Variants in SLC19A1 observed in about 807,000 individuals in gnomAD.
SLC19A1 encodes the protein reduced folate transporter.
In SLC19A1, 37 loss-of-function variants were observed where a neutral mutation model predicts 35.3. That is an observed-to-expected ratio of 1.05 (90% CI 0.81 to 1.38). The LOEUF (loss-of-function observed/expected upper bound fraction) is 1.38. Among genes scored for constraint, SLC19A1 ranks in the 40% most tolerant of loss-of-function variants. SLC19A1 has a pLI of 0.00. For missense variants in SLC19A1, 831 were observed against 826.9 expected, an observed-to-expected ratio of 1.00 and a Z score of -0.06; for synonymous variants, 460 against 398.5, an observed-to-expected ratio of 1.15 and a Z score of -1.84.
chr21:45,509,162 G>A (rs1320866206), downstream of SLC19A1, among the ~76,000 whole-genome samples: 2 of 152,032 alleles, frequency 1.3e-5, no homozygotes, highest in East Asian at 1.9e-4. Context: ...CCCGCGATCC[G>A]GCGCCACGGC....
At chr21:45,536,827 T>A (rs2078128638) in intron 2 of SLC19A1, among the ~76,000 whole-genome samples, 1 of 151,936 alleles carries the variant, frequency 6.6e-6, no homozygotes, top group African/African-American at 2.4e-5. Context: ...GGATGGGGTG[T>A]CGGGGTGACC....
rs1181272469 is a variant in SLC19A1 at position 45,533,046 on chromosome 21, G to A, written c.190-898C>T. On this transcript the variant is annotated intron_variant, in intron 2 of 5. Transcript: ENST00000311124. The surrounding 1 kb of genome is among the most constrained non-coding windows in gnomAD (Gnocchi z 4.5). ...ATCTCACACTTGTCCCCAGAGCAAG[G>A]TCTTTAAGGCCAGACTCCAACCCAG... Among the ~76,000 whole-genome samples, 1 of 152,212 alleles carries A rather than the reference G, an allele frequency of 6.6e-6. No individual in the cohort carries two copies. The highest frequency in any genetic ancestry group is 1.5e-5 in the Non-Finnish European group (1 of 68,030).
intron 1 of SLC19A1, among the ~76,000 whole-genome samples, chr21:45,538,210 G>A (rs1287697432): frequency 2.0e-5 from 3 of 152,216 alleles, no homozygotes; most frequent in East Asian, 3.9e-4. Context: ...AGTCCCCCAG[G>A]CCAGGCTGTC....
chr21:45,562,661 G>A (rs2078626207), intron 1 of SLC19A1, among the ~76,000 whole-genome samples: 1 of 152,170 alleles, frequency 6.6e-6, no homozygotes. Flanking sequence ...TACAGCTGAG[G>A]AAACACAGCT....
chr21:45,548,302 T>C (rs781228683), upstream of SLC19A1, among the ~76,000 whole-genome samples: 28 of 152,220 alleles, frequency 1.8e-4, no homozygotes, highest in Non-Finnish European at 3.2e-4. Flanking sequence ...GTCAAACTTG[T>C]AGATCTGTGT....
At chr21:45,543,236 C>T (rs941118978), upstream of SLC19A1, among the ~76,000 whole-genome samples, 7 of 152,184 alleles carry the variant, frequency 4.6e-5, no homozygotes, top group African/African-American at 1.4e-4. Flanking sequence ...ACAGCACCGC[C>T]GAAAGCCCAA....
In SLC19A1 at chr21:45,515,378, G is replaced by C; in HGVS notation, c.*280C>G. On this transcript the variant is annotated 3_prime_UTR_variant, in exon 6 of 6. Coordinates refer to ENST00000311124, the MANE Select transcript of SLC19A1 (RefSeq NM_194255.4). Reference sequence around the variant, plus strand: ...GTCTCAAGCCCCCCAAGGGGCATGAGCCAGTGAGGCCTGGTGGACGCAGAA... The same window carrying C: ...GTCTCAAGCCCCCCAAGGGGCATGACCCAGTGAGGCCTGGTGGACGCAGAA... The C allele has an allele frequency of 3.5e-6, 5 of 1,437,202 alleles. No individual in the cohort carries two copies. The highest frequency in any genetic ancestry group is 4.5e-6 in the Non-Finnish European group (5 of 1,104,318). 89.0% of individuals were successfully genotyped at this position (1,437,202 alleles called of 1,614,324 possible).
chr21:45,519,570 CAAAAAAAAAAAA>C (rs57639933), intron 5 of SLC19A1, among the ~76,000 whole-genome samples: 675 of 57,282 alleles, frequency 0.012, 19 homozygotes, highest in South Asian at 0.062. Context: ...AACTTCTGAG[CAAAAAAAAAAAA>C]AAAAAAAAAA....
intron 1 of SLC19A1, among the ~76,000 whole-genome samples, chr21:45,553,231 C>A (rs1437389115): frequency 2.6e-5 from 4 of 151,990 alleles, no homozygotes; most frequent in African/African-American, 9.7e-5. Context: ...AGGCACCGCG[C>A]ATCCCTCCCA....
chr21:45,523,442 A>C (rs949985589), intron 5 of SLC19A1, among the ~76,000 whole-genome samples: 3 of 152,192 alleles, frequency 2.0e-5, no homozygotes, highest in African/African-American at 7.2e-5. Context: ...CTCCACGGCC[A>C]CACCAGGACC....
In SLC19A1 at chr21:45,557,945, C is replaced by T. The variant is rs116252998; in HGVS notation, c.-50+4797G>A. Reference sequence around the variant, plus strand: ...TCACCTTTGCCTCCTGCGTGTCTGACGGAATCATTCCTGTTTAGACATGAG... The same window carrying T: ...TCACCTTTGCCTCCTGCGTGTCTGATGGAATCATTCCTGTTTAGACATGAG... On this transcript the variant is annotated intron_variant, in intron 1 of 5. Coordinates refer to the SLC19A1 transcript ENST00000650808. Among the ~76,000 whole-genome samples the T allele has an allele frequency of 4.0e-3, 615 of 152,350 alleles. 4 individuals are homozygous for T. The highest frequency in any genetic ancestry group is 0.014 in the African/African-American group (572 of 41,592).
chr21:45,528,552 C>T (rs765962043), intron 4 of SLC19A1, among the ~76,000 whole-genome samples: 11 of 152,092 alleles, frequency 7.2e-5, no homozygotes, highest in African/African-American at 2.2e-4. Context: ...GGAGGAAGCC[C>T]GCATGCCGGC....
chr21:45,554,745 T>C (rs2078525259), intron 1 of SLC19A1, among the ~76,000 whole-genome samples: 1 of 151,466 alleles, frequency 6.6e-6, no homozygotes. Context: ...CTGTGGTGAC[T>C]AAAGCTGCTG....
chr21:45,539,735 G>A (rs915300138), intron 1 of SLC19A1, among the ~76,000 whole-genome samples: 3 of 152,172 alleles, frequency 2.0e-5, no homozygotes, highest in East Asian at 1.9e-4. Context: ...CTGGGGTCCC[G>A]TCTTGACACC....
At position 45,534,906 on chromosome 21, in the gene SLC19A1, C is replaced by G. The variant is rs537809937; in HGVS notation, c.190-2758G>C. On this transcript the variant is annotated intron_variant, in intron 2 of 5. Coordinates refer to ENST00000311124, the MANE Select transcript of SLC19A1 (RefSeq NM_194255.4). The surrounding 1 kb of genome is among the most constrained non-coding windows in gnomAD (Gnocchi z 4.2). ...CTGAGCCCAGCGTCGGCCCTGCTCT[C>G]CACAGGTCTTGGTTGGGGTCCAGGC... 4.1e-4 allele frequency among the ~76,000 whole-genome samples: 62 copies of G among 152,404 alleles called. No homozygotes were observed. The highest frequency in any genetic ancestry group is 8.3e-4 in the South Asian group (4 of 4,832).
chr21:45,552,271 C>A (rs1020884289), intron 1 of SLC19A1, among the ~76,000 whole-genome samples: 3 of 152,178 alleles, frequency 2.0e-5, no homozygotes, highest in Non-Finnish European at 4.4e-5. Context: ...GAGCTACATC[C>A]TGGCCTCAGG....
intron 1 of SLC19A1, among the ~76,000 whole-genome samples, chr21:45,550,084 G>A (rs1387631325): frequency 6.6e-6 from 1 of 152,060 alleles, no homozygotes; most frequent in Non-Finnish European, 1.5e-5. Flanking sequence ...GGACAGTGGG[G>A]GTCAGTGTGG....
chr21:45,505,835 C>T (rs761502514), intron 3 of SLC19A1: 5 of 1,594,700 alleles, frequency 3.1e-6, no homozygotes, highest in Non-Finnish European at 4.3e-6. Flanking sequence ...TTGGTCCCAG[C>T]AGGTGAGGCT....
In SLC19A1 at chr21:45,505,078, C is replaced by T. The variant is rs116814621; in HGVS notation, c.498-6466G>A. The stretch of plus-strand genomic sequence containing the variant: ...GCAGCTGCAGCCCCACAAGCTTGCC[C>T]GCCCCCAGTCCAGGGCACGAGGTAA... On this transcript the variant is annotated intron_variant, in intron 3 of 4. Transcript: ENST00000417954. The T allele has an allele frequency of 6.9e-4, 1,085 of 1,582,318 alleles. 11 individuals are homozygous for T. The African/African-American group carries it at 0.013, about 19-fold the overall frequency.
Sources: allele counts gnomAD v4.1 joint callset (sites outside exome capture counted in the v4.1 genomes callset), GRCh38; gene constraint gnomAD v4.1.1; non-coding constraint Gnocchi (gnomAD v3.1); transcripts MANE v1.5; gene names NCBI Gene and HGNC (gene_info 2026-07-23, HGNC 2026-07-21).